Variants in PDE1C observed in about 807,000 individuals in gnomAD.
PDE1C encodes phosphodiesterase 1C, also known as dual specificity calcium/calmodulin-dependent 3',5'-cyclic nucleotide phosphodiesterase 1C.
PDE1C carries 62 observed loss-of-function variants against 93.1 expected under a neutral mutation model. That is an observed-to-expected ratio of 0.67 (90% CI 0.54 to 0.82). The LOEUF (loss-of-function observed/expected upper bound fraction) is 0.82, where lower values mean the gene tolerates loss of function less well. Ranked by LOEUF, PDE1C falls within the 40% of genes least tolerant of loss-of-function variation. PDE1C has a pLI of 0.00. For synonymous variants in PDE1C, 325 were observed against 310.1 expected (o/e 1.05, Z -0.50); for missense variants, 742 against 884.6 (o/e 0.84, Z 2.04).
chr7:32,282,632 A>C (rs1447109757), intron 1 of PDE1C, among the ~76,000 whole-genome samples: 1 of 86,136 alleles, frequency 1.2e-5, no homozygotes. Flanking sequence ...CCCAGGCTGG[A>C]ATGCAATGGC....
chr7:31,810,011 C>T (rs1458173197), intron 15 of PDE1C, among the ~76,000 whole-genome samples: 1 of 152,120 alleles, frequency 6.6e-6, no homozygotes, highest in Admixed American at 6.6e-5. Context: ...TACCTATTGT[C>T]CTTGGCTGCT....
chr7:32,417,778 C>T (rs571500708), intron 1 of PDE1C, among the ~76,000 whole-genome samples: 4 of 151,236 alleles, frequency 2.6e-5, no homozygotes, highest in Non-Finnish European at 5.9e-5. Context: ...GCGCTTTCTT[C>T]ATTTATCTCA....
At chr7:31,716,219 C>A in the PDE1C span, among the ~76,000 whole-genome samples, 1 of 152,082 alleles carries the variant, frequency 6.6e-6, no homozygotes. Flanking sequence ...TTTCCTTTCT[C>A]CTAAAATTTT....
intron 13 of PDE1C, among the ~76,000 whole-genome samples, chr7:31,824,067 A>G (rs1789343454): frequency 1.3e-5 from 2 of 152,054 alleles, no homozygotes; most frequent in Admixed American, 6.6e-5. Context: ...CCCCTGTCCT[A>G]ACGCCTGTCT....
chr7:31,883,830 A>G (rs948826618), intron 2 of PDE1C, among the ~76,000 whole-genome samples: 88 of 152,216 alleles, frequency 5.8e-4, no homozygotes, highest in African/African-American at 1.9e-3. Context: ...GCTTTGTGCC[A>G]CAATTAGCAG....
intron 2 of PDE1C, among the ~76,000 whole-genome samples, chr7:31,887,918 G>T (rs1798150642): frequency 6.6e-6 from 1 of 152,128 alleles, no homozygotes; most frequent in South Asian, 2.1e-4. Flanking sequence ...ATACAGCCTT[G>T]TAGTATGCAG....
intron 9 of PDE1C, among the ~76,000 whole-genome samples, chr7:31,844,924 TTC>T (rs1357497494): frequency 3.9e-5 from 6 of 152,164 alleles, no homozygotes; most frequent in Non-Finnish European, 7.4e-5. Flanking sequence ...TTCTTCTGTC[TTC>T]TCTATCATGC....
At chr7:32,043,659 C>G (rs1401095856) in intron 2 of PDE1C, among the ~76,000 whole-genome samples, 2 of 152,144 alleles carry the variant, frequency 1.3e-5, no homozygotes, top group African/African-American at 4.8e-5. Context: ...AGAGGAAACA[C>G]AGAGATTGAA....
chr7:31,716,003 T>G, the PDE1C span, among the ~76,000 whole-genome samples: 1 of 152,208 alleles, frequency 6.6e-6, no homozygotes, highest in Non-Finnish European at 1.5e-5. Flanking sequence ...CAAAGATCCC[T>G]GATCTTTTGA....
At chr7:32,117,438 C>A (rs1799044717) in intron 3 of PDE1C, among the ~76,000 whole-genome samples, 1 of 152,132 alleles carries the variant, frequency 6.6e-6, no homozygotes, top group African/African-American at 2.4e-5. Flanking sequence ...TAAAACTGAG[C>A]CCCCTAGCAG....
intron 1 of PDE1C, among the ~76,000 whole-genome samples, chr7:32,380,660 C>T (rs963635975): frequency 1.3e-5 from 2 of 152,018 alleles, no homozygotes; most frequent in Admixed American, 6.5e-5. Flanking sequence ...AGTCTCAATC[C>T]TCACCTCATT....
At chr7:32,103,865 C>T (rs1798159439) in intron 3 of PDE1C, among the ~76,000 whole-genome samples, 1 of 151,884 alleles carries the variant, frequency 6.6e-6, no homozygotes, top group Non-Finnish European at 1.5e-5. Flanking sequence ...GAATAGGATG[C>T]TACCCAAATA....
chr7:32,037,601 C>A (rs533218605), intron 2 of PDE1C, among the ~76,000 whole-genome samples: 1 of 152,124 alleles, frequency 6.6e-6, no homozygotes, highest in South Asian at 2.1e-4. Flanking sequence ...CTTTTCTGAA[C>A]CCCCAAACTA....
intron 12 of PDE1C, 148 bp downstream of exon 12, chr7:31,828,144 G>C (rs534807759): frequency 5.8e-5 from 31 of 538,100 alleles, no homozygotes; most frequent in Non-Finnish European, 9.1e-5. Flanking sequence ...GGACAGAGTG[G>C]TTCCATAAAT....
chr7:31,986,235 A>G (rs891431576), intron 2 of PDE1C, among the ~76,000 whole-genome samples: 1 of 152,094 alleles, frequency 6.6e-6, no homozygotes, highest in Non-Finnish European at 1.5e-5. Context: ...GGTTTCTGAC[A>G]ATTCTTCATG....
chr7:32,405,873 AT>A (rs1785041930), intron 1 of PDE1C, among the ~76,000 whole-genome samples: 1 of 152,196 alleles, frequency 6.6e-6, no homozygotes, highest in African/African-American at 2.4e-5. Context: ...GTATTCCACT[AT>A]AAAGGTTGGA....
At chr7:32,148,045 C>T (rs1413352754) in intron 3 of PDE1C, among the ~76,000 whole-genome samples, 1 of 136,050 alleles carries the variant, frequency 7.4e-6, no homozygotes, top group Non-Finnish European at 1.5e-5. Flanking sequence ...TTTCAAAACT[C>T]AGTTAAATGA....
chr7:32,136,351 T>A (rs1800209747), intron 3 of PDE1C, among the ~76,000 whole-genome samples: 1 of 148,234 alleles, frequency 6.7e-6, no homozygotes, highest in African/African-American at 2.6e-5. Context: ...TATTTATTTA[T>A]TTATTTTTGA....
chr7:32,297,353 G>T (rs215605), intron 1 of PDE1C, among the ~76,000 whole-genome samples: 81,553 of 151,806 alleles, frequency 0.54, 24,216 homozygotes, highest in Admixed American at 0.69. Flanking sequence ...CAAAATCTTT[G>T]GGGTTCAGTT....
Sources: allele counts gnomAD v4.1 joint callset (sites outside exome capture counted in the v4.1 genomes callset), GRCh38; gene constraint gnomAD v4.1.1; transcripts MANE v1.5; gene names NCBI Gene and HGNC (gene_info 2026-07-23, HGNC 2026-07-21).